FAM151B: variants seen among roughly 807,000 people sequenced by gnomAD.
FAM151B encodes protein FAM151B.
FAM151B carries 24 observed loss-of-function variants against 31.2 expected under a neutral mutation model. That is an observed-to-expected ratio of 0.77 (90% CI 0.56 to 1.08). FAM151B has a LOEUF of 1.08. Ranked by LOEUF, FAM151B falls within the 50% of genes least tolerant of loss-of-function variation. FAM151B has a pLI of 0.00. For missense variants in FAM151B, 293 were observed against 328.6 expected (o/e 0.89, Z 0.84); for synonymous variants, 105 against 111.4 (o/e 0.94, Z 0.36).
chr5:80,489,733 G>T (rs1743241610), intron 1 of FAM151B, among the ~76,000 whole-genome samples: 1 of 152,152 alleles, frequency 6.6e-6, no homozygotes, highest in Non-Finnish European at 1.5e-5. Flanking sequence ...GACCATCCTG[G>T]CTAACACAGT....
chr5:80,518,268 A>G (rs1744555167), intron 3 of FAM151B, among the ~76,000 whole-genome samples: 1 of 151,974 alleles, frequency 6.6e-6, no homozygotes, highest in African/African-American at 2.4e-5. Context: ...TTTTTGGAAA[A>G]AGAGGAGCTT....
rs550882149 is a variant in FAM151B at position 80,502,865 on chromosome 5, T to C, written c.151+948T>C. 2.6e-5 allele frequency among the ~76,000 whole-genome samples: 4 copies of C among 152,370 alleles called. No homozygotes were observed. The East Asian group carries it at 7.7e-4, about 29-fold the overall frequency. On this transcript the variant is annotated intron_variant, in intron 2 of 5. Transcript: ENST00000282226. ...TTTTGTCTTGTTTCATGTTGAATCC[T>C]TAATGCCTGAAACAGTGCGTAGCAT...
chr5:80,519,376 T>G (rs1278464071), intron 3 of FAM151B, among the ~76,000 whole-genome samples: 1 of 152,188 alleles, frequency 6.6e-6, no homozygotes, highest in African/African-American at 2.4e-5. Context: ...ATTTGTGTCT[T>G]TTAAAAAACT....
Position 80,501,780 on chromosome 5 carries a change from CTG to C in FAM151B, c.26-10_26-9del, listed in dbSNP as rs1253572449. ...AACAATATCACTTTTCATGTAAACA[CTG>C]TTATTTTAGGATCTTGGAGTGAAAA... On this transcript the variant is annotated splice_polypyrimidine_tract_variant and intron_variant, in intron 1 of 5. Transcript: ENST00000282226. The C allele has an allele frequency of 6.3e-7, 1 of 1,576,902 alleles. No homozygotes were observed. The highest frequency in any genetic ancestry group is 1.4e-5 in the African/African-American group (1 of 73,730).
In FAM151B at chr5:80,519,264, A is replaced by G. The variant is rs575074594; in HGVS notation, c.318-429A>G. Among the ~76,000 whole-genome samples the G allele has an allele frequency of 3.3e-5, 5 of 152,338 alleles. No individual in the cohort carries two copies. The East Asian group carries it at 7.7e-4, about 24-fold the overall frequency. On this transcript the variant is annotated intron_variant, in intron 3 of 5. Transcript: ENST00000282226. Reference sequence around the variant, plus strand: ...CTCCAGGGTCATGAGCCTGAATTAGAGATACAGGGCTTGGATCCACTTGGG... The same window carrying G: ...CTCCAGGGTCATGAGCCTGAATTAGGGATACAGGGCTTGGATCCACTTGGG...
chr5:80,522,656 G>A (rs1744773927), intron 5 of FAM151B: 1 of 152,084 alleles, frequency 6.6e-6, no homozygotes, highest in Non-Finnish European at 1.5e-5. Context: ...CAGCTACTCG[G>A]GAAGCTAAGG....
At chr5:80,505,224 C>T (rs975836775) in intron 2 of FAM151B, among the ~76,000 whole-genome samples, 5 of 152,102 alleles carry the variant, frequency 3.3e-5, no homozygotes, top group African/African-American at 1.2e-4. Flanking sequence ...TGGTCCCAAA[C>T]TCCTGGCTGC....
chr5:80,536,195 G>T (rs970961726), intron 5 of FAM151B, among the ~76,000 whole-genome samples: 3 of 152,054 alleles, frequency 2.0e-5, no homozygotes, highest in Admixed American at 6.6e-5. Context: ...TTTTGAGATG[G>T]AGTCTCACTG....
intron 3 of FAM151B, 31 bp downstream of exon 3, chr5:80,513,800 G>GA (rs760529705): frequency 4.7e-5 from 74 of 1,569,282 alleles, no homozygotes; most frequent in Non-Finnish European, 6.1e-5. Flanking sequence ...AATTTTCTGG[G>GA]AAAAAAGTAA....
intron 5 of FAM151B, among the ~76,000 whole-genome samples, chr5:80,533,768 A>G (rs1745358422): frequency 6.7e-6 from 1 of 149,568 alleles, no homozygotes; most frequent in Non-Finnish European, 1.5e-5. Flanking sequence ...AAAAAAAAAA[A>G]GAGCAGAAAT....
intron 5 of FAM151B, among the ~76,000 whole-genome samples, chr5:80,527,497 C>G (rs1745024217): frequency 6.6e-6 from 1 of 151,992 alleles, no homozygotes; most frequent in African/African-American, 2.4e-5. Flanking sequence ...TTACACAAAC[C>G]TAAATTGCCT....
chr5:80,517,106 CAAG>C (rs1231418573), intron 3 of FAM151B, among the ~76,000 whole-genome samples: 1 of 152,016 alleles, frequency 6.6e-6, no homozygotes, highest in East Asian at 1.9e-4. Context: ...TGACAGATCA[CAAG>C]AAGAAGGGTG....
rs1000582228 is a variant in FAM151B, at chr5:80,491,585, C to T, written c.25+3437C>T. ...TGGGAACTTATTCCTCCTGTCTAACCGGAACTTTGCACCCTTTGACTGACA... is the reference window on the plus strand; with the variant it reads ...TGGGAACTTATTCCTCCTGTCTAACTGGAACTTTGCACCCTTTGACTGACA... On this transcript the variant is annotated intron_variant, in intron 1 of 5. Coordinates refer to ENST00000282226, the MANE Select transcript of FAM151B (RefSeq NM_205548.3). Among the ~76,000 whole-genome samples, 6 of 152,242 alleles carry T rather than the reference C, an allele frequency of 3.9e-5. 1 individual carries two copies. The highest frequency in any genetic ancestry group is 6.5e-5 in the Admixed American group (1 of 15,290).
In FAM151B at chr5:80,519,625, A is replaced by G. The variant is rs1403801561; in HGVS notation, c.318-68A>G. On this transcript the variant is annotated intron_variant, in intron 3 of 5. Coordinates refer to ENST00000282226, the MANE Select transcript of FAM151B (RefSeq NM_205548.3). Reference sequence around the variant, plus strand: ...TGAATTTGAGAACATTGAGACCACTAGTCTAAAAGAACTTCTTTTTACTTT... The same window carrying G: ...TGAATTTGAGAACATTGAGACCACTGGTCTAAAAGAACTTCTTTTTACTTT... 5 of 1,272,830 alleles carry G rather than the reference A, an allele frequency of 3.9e-6. No individual in the cohort carries two copies. In the African/African-American group the frequency reaches 7.5e-5, roughly 19 times the overall value. The allele number at this position is 1,272,830 out of a possible 1,614,324, so 78.8% of individuals were successfully genotyped here.
intron 5 of FAM151B, among the ~76,000 whole-genome samples, chr5:80,534,796 T>C (rs931887204): frequency 2.0e-5 from 3 of 152,084 alleles, no homozygotes; most frequent in Non-Finnish European, 2.9e-5. Flanking sequence ...GACATCCAAA[T>C]TGGAAAGGAA....
intron 1 of FAM151B, chr5:80,499,953 A>G (rs914045876): frequency 1.9e-5 from 3 of 154,558 alleles, no homozygotes; most frequent in African/African-American, 4.9e-5. Flanking sequence ...CTGCACTCCC[A>G]TGTTCATTGC....
chr5:80,491,876 G>A (rs1402413602), intron 1 of FAM151B, among the ~76,000 whole-genome samples: 3 of 152,124 alleles, frequency 2.0e-5, no homozygotes, highest in African/African-American at 7.2e-5. Context: ...ACCCGCTGAT[G>A]GTGCTTAGGT....
At position 80,526,060 on chromosome 5, in the gene FAM151B, TG is replaced by T. The variant is rs1352103108; in HGVS notation, c.671+3923del. Among the ~76,000 whole-genome samples the T allele has an allele frequency of 2.0e-5, 3 of 152,260 alleles. No homozygotes were observed. In the East Asian group the frequency reaches 5.8e-4, roughly 29 times the overall value. The stretch of plus-strand genomic sequence containing the variant: ...TATACGTGGAGGATGGGTTCAAGGA[TG>T]CTCAGCATATACCAAAATCGGCTCA... On this transcript the variant is annotated intron_variant, in intron 5 of 5. Coordinates refer to ENST00000282226, the MANE Select transcript of FAM151B (RefSeq NM_205548.3).
At chr5:80,494,596 T>C (rs927390026) in intron 1 of FAM151B, among the ~76,000 whole-genome samples, 4 of 151,742 alleles carry the variant, frequency 2.6e-5, no homozygotes, top group African/African-American at 9.7e-5. Context: ...AATTGCAGCC[T>C]GGACCTCCTG....
Sources: gnomAD v4.1 joint callset for allele counts (sites outside exome capture counted in the v4.1 genomes callset) on GRCh38, gnomAD v4.1.1 for gene constraint, MANE v1.5 for transcripts, NCBI Gene and HGNC (gene_info 2026-07-23, HGNC 2026-07-21) for gene names.